RBFOX1: variants seen among roughly 807,000 people sequenced by gnomAD.
RBFOX1 encodes RNA binding protein fox-1 homolog 1.
RBFOX1 carries 8 observed loss-of-function variants against 57.7 expected under a neutral mutation model. That is an observed-to-expected ratio of 0.14 (90% CI 0.08 to 0.25). The LOEUF is 0.25. Among genes scored for constraint, RBFOX1 ranks in the 10% least tolerant of loss-of-function variants. The pLI is 1.00. For missense variants in RBFOX1, 611 were observed against 548.5 expected (o/e 1.11, Z -1.14); for synonymous variants, 326 against 222.4 (o/e 1.47, Z -4.15).
rs184306167 is a variant in RBFOX1 at position 7,058,801 on chromosome 16, C to A, written c.27+6703C>A. On this transcript the variant is annotated intron_variant, in intron 4 of 15. Transcript: ENST00000550418. ...AATACAAAGTTTCCTTGGCACACAT[C>A]GTATTTTATGTTCCATTTATTGTTC... Among the ~76,000 whole-genome samples, 8 of 151,986 alleles carry A rather than the reference C, an allele frequency of 5.3e-5. 1 individual carries two copies. Among genetic ancestry groups the A allele is most frequent in the Non-Finnish European group, 1.0e-4 (7 of 67,978 alleles).
At chr16:5,419,402 T>G (rs2067248967) in intron 1 of RBFOX1, among the ~76,000 whole-genome samples, 1 of 152,076 alleles carries the variant, frequency 6.6e-6, no homozygotes, top group Non-Finnish European at 1.5e-5. Flanking sequence ...AAATCTAGTC[T>G]TTTCACATTC....
At chr16:7,596,348 A>C (rs934194199) in intron 8 of RBFOX1, among the ~76,000 whole-genome samples, 1 of 151,854 alleles carries the variant, frequency 6.6e-6, no homozygotes, top group African/African-American at 2.4e-5. Flanking sequence ...CAACATAGCC[A>C]CAGGGTCATA....
intron 2 of RBFOX1, among the ~76,000 whole-genome samples, chr16:6,320,416 C>A (rs958744768): frequency 6.6e-6 from 1 of 151,836 alleles, no homozygotes; most frequent in African/African-American, 2.4e-5. Flanking sequence ...GATGAGTGTG[C>A]CAAAACCTCA....
intron 4 of RBFOX1, among the ~76,000 whole-genome samples, chr16:7,258,984 C>G (rs1412171696): frequency 6.6e-6 from 1 of 152,134 alleles, no homozygotes; most frequent in Admixed American, 6.6e-5. Context: ...CATACCTTTC[C>G]AAGCCCTTGT....
chr16:7,120,024 C>G (rs1047317173), intron 4 of RBFOX1, among the ~76,000 whole-genome samples: 6 of 141,596 alleles, frequency 4.2e-5, no homozygotes, highest in African/African-American at 1.5e-4. Context: ...TTGAGTTAAG[C>G]TGGAAATCAG....
intron 1 of RBFOX1, among the ~76,000 whole-genome samples, chr16:6,108,571 G>C (rs1339086150): frequency 6.6e-6 from 1 of 152,176 alleles, no homozygotes; most frequent in African/African-American, 2.4e-5. Flanking sequence ...AAAATATGGT[G>C]AGCTTATAAA....
At chr16:7,247,678 T>G (rs2094355232) in intron 4 of RBFOX1, among the ~76,000 whole-genome samples, 1 of 152,204 alleles carries the variant, frequency 6.6e-6, no homozygotes, top group African/African-American at 2.4e-5. Context: ...TTTACACATC[T>G]CTTAATTTAG....
chr16:7,292,295 G>T (rs9934072), intron 4 of RBFOX1, among the ~76,000 whole-genome samples: 23 of 112,422 alleles, frequency 2.0e-4, no homozygotes, highest in Non-Finnish European at 3.5e-4. Flanking sequence ...TATCATATAT[G>T]ATATATGATA....
At chr16:7,300,012 G>T (rs145033575) in intron 4 of RBFOX1, among the ~76,000 whole-genome samples, 5 of 152,300 alleles carry the variant, frequency 3.3e-5, no homozygotes, top group African/African-American at 4.8e-5. Context: ...ATTGGAAGGA[G>T]CGGGATGCAA....
At chr16:7,355,279 T>A (rs2097195268) in intron 4 of RBFOX1, among the ~76,000 whole-genome samples, 1 of 152,168 alleles carries the variant, frequency 6.6e-6, no homozygotes, top group African/African-American at 2.4e-5. Context: ...CAACTCAGAG[T>A]CCCTCTGTCA....
At chr16:5,644,575 C>G (rs1461545192) in intron 3 of RBFOX1, among the ~76,000 whole-genome samples, 1 of 152,296 alleles carries the variant, frequency 6.6e-6, no homozygotes, top group East Asian at 1.9e-4. Flanking sequence ...TCAGCCGTGT[C>G]TCTGATTTTG....
At chr16:7,478,507 G>A (rs2063200058) in intron 4 of RBFOX1, among the ~76,000 whole-genome samples, 1 of 152,170 alleles carries the variant, frequency 6.6e-6, no homozygotes, top group South Asian at 2.1e-4. Flanking sequence ...GCTAGAGAGG[G>A]GGAGTCCCTG....
chr16:5,590,297 G>A (rs115935474), intron 2 of RBFOX1, among the ~76,000 whole-genome samples: 1,572 of 152,298 alleles, frequency 0.01, 33 homozygotes, highest in African/African-American at 0.036. Context: ...TTGCCCTGGG[G>A]AGAAGCAGAG....
Position 7,306,586 on chromosome 16 carries a change from T to TGA in RBFOX1, c.28-211560_28-211559insAG, listed in dbSNP as rs1406776448. ...ATAATGTGGGAATGGTGTGCGTGTG[T>TGA]GTGTGTGTGTGTGTGTGTATTTTCT... On this transcript the variant is annotated intron_variant, in intron 4 of 15. Transcript: ENST00000550418. 2.3e-4 allele frequency among the ~76,000 whole-genome samples: 34 copies of TGA among 150,652 alleles called. No homozygotes were observed. The East Asian group carries it at 5.6e-3, about 25-fold the overall frequency.
chr16:5,449,525 G>A (rs181167366), intron 1 of RBFOX1, among the ~76,000 whole-genome samples: 2 of 152,332 alleles, frequency 1.3e-5, no homozygotes, highest in African/African-American at 2.4e-5. Context: ...AAGGGTCACA[G>A]TCAGGATTTG....
intron 4 of RBFOX1, among the ~76,000 whole-genome samples, chr16:5,935,338 C>T (rs2059146850): frequency 6.6e-6 from 1 of 152,184 alleles, no homozygotes; most frequent in African/African-American, 2.4e-5. Flanking sequence ...CACGAGGATC[C>T]ATCCTGCGTG....
At chr16:7,324,274 C>T (rs535980389) in intron 4 of RBFOX1, among the ~76,000 whole-genome samples, 1 of 152,226 alleles carries the variant, frequency 6.6e-6, no homozygotes, top group East Asian at 1.9e-4. Flanking sequence ...GTGGTTCAGC[C>T]AGTTCAGCAA....
intron 1 of RBFOX1, among the ~76,000 whole-genome samples, chr16:6,041,898 A>C (rs758956877): frequency 6.6e-6 from 1 of 152,134 alleles, no homozygotes; most frequent in African/African-American, 2.4e-5. Context: ...TCAGGAACCC[A>C]GTGTGTTCTC....
chr16:6,280,409 C>G (rs181025551), intron 1 of RBFOX1, among the ~76,000 whole-genome samples: 7 of 152,162 alleles, frequency 4.6e-5, no homozygotes, highest in African/African-American at 1.7e-4. Flanking sequence ...GCATTTATTT[C>G]TGGTACCTTT....
Sources: allele counts gnomAD v4.1 joint callset (sites outside exome capture counted in the v4.1 genomes callset), GRCh38; gene constraint gnomAD v4.1.1; transcripts MANE v1.5; gene names NCBI Gene and HGNC (gene_info 2026-07-23, HGNC 2026-07-21).